SGCZ: variants seen among roughly 807,000 people sequenced by gnomAD.
SGCZ encodes the protein sarcoglycan zeta.
In SGCZ, 40 loss-of-function variants were observed where a neutral mutation model predicts 41.3. The ratio of observed to expected loss-of-function variants is 0.97; its 90% CI spans 0.75 to 1.26. The LOEUF (loss-of-function observed/expected upper bound fraction) is 1.26. Among genes scored for constraint, SGCZ ranks in the 50% most tolerant of loss-of-function variants. The pLI is 0.00. For missense variants in SGCZ, 552 were observed against 369.8 expected, an observed-to-expected ratio of 1.49 and a Z score of -4.04; for synonymous variants, 206 against 137.5, an observed-to-expected ratio of 1.50 and a Z score of -3.49.
At chr8:14,516,443 A>G (rs915497143) in intron 2 of SGCZ, among the ~76,000 whole-genome samples, 1 of 152,080 alleles carries the variant, frequency 6.6e-6, no homozygotes, top group Non-Finnish European at 1.5e-5. Context: ...AGACACATTT[A>G]TCAATTTAAT....
At chr8:14,881,935 A>G (rs1479971390) in intron 1 of SGCZ, among the ~76,000 whole-genome samples, 2 of 152,158 alleles carry the variant, frequency 1.3e-5, no homozygotes, top group African/African-American at 4.8e-5. Context: ...CTCAAAACCA[A>G]AGAACTACAT....
At chr8:14,765,931 C>T (rs1800021463) in intron 1 of SGCZ, among the ~76,000 whole-genome samples, 1 of 151,356 alleles carries the variant, frequency 6.6e-6, no homozygotes, top group Non-Finnish European at 1.5e-5. Flanking sequence ...ACCACATTTA[C>T]CAGTTATTTA....
At chr8:14,790,425 T>C (rs1170635403) in intron 1 of SGCZ, among the ~76,000 whole-genome samples, 4 of 152,144 alleles carry the variant, frequency 2.6e-5, no homozygotes, top group African/African-American at 7.2e-5. Flanking sequence ...TGTATTTCAG[T>C]TGGAATAAAA....
intron 2 of SGCZ, among the ~76,000 whole-genome samples, chr8:14,376,743 C>T (rs146275984): frequency 0.011 from 1,644 of 152,182 alleles, 26 homozygotes; most frequent in African/African-American, 0.036. Flanking sequence ...AATTACCAAA[C>T]AACATTACCT....
At chr8:14,711,811 A>C (rs1164318216) in intron 1 of SGCZ, among the ~76,000 whole-genome samples, 1 of 152,194 alleles carries the variant, frequency 6.6e-6, no homozygotes, top group Non-Finnish European at 1.5e-5. Context: ...GAGATGGACA[A>C]AGAAACTAGA....
intron 1 of SGCZ, among the ~76,000 whole-genome samples, chr8:14,951,122 T>G (rs1486418746): frequency 6.6e-6 from 1 of 151,966 alleles, no homozygotes; most frequent in African/African-American, 2.4e-5. Flanking sequence ...CAGATGGCCT[T>G]AATGTAATCT....
intron 2 of SGCZ, among the ~76,000 whole-genome samples, chr8:14,497,920 C>T (rs1802039702): frequency 6.6e-6 from 1 of 152,146 alleles, no homozygotes; most frequent in Admixed American, 6.6e-5. Context: ...ATGTTTACAA[C>T]CATTTACTTT....
At chr8:14,124,408 G>A (rs35054571) in intron 5 of SGCZ, among the ~76,000 whole-genome samples, 100,663 of 151,932 alleles carry the variant, frequency 0.66, 35,485 homozygotes, top group East Asian at 0.92. Context: ...CCCCAAAGAT[G>A]AAATTAGGAA....
chr8:14,134,698 C>T (rs1015509384), intron 5 of SGCZ, among the ~76,000 whole-genome samples: 4 of 152,128 alleles, frequency 2.6e-5, no homozygotes, highest in African/African-American at 9.7e-5. Flanking sequence ...GGTGTTAGCT[C>T]TCAGCCTATC....
intron 1 of SGCZ, among the ~76,000 whole-genome samples, chr8:14,664,623 C>A (rs1252608264): frequency 1.3e-5 from 2 of 152,152 alleles, no homozygotes; most frequent in African/African-American, 4.8e-5. Context: ...ATGTAACCAA[C>A]TAGTGGGACT....
At chr8:14,313,792 G>T (rs919308809) in intron 3 of SGCZ, among the ~76,000 whole-genome samples, 1 of 152,036 alleles carries the variant, frequency 6.6e-6, no homozygotes, top group Non-Finnish European at 1.5e-5. Flanking sequence ...CACAAATCTG[G>T]TACTTTATAG....
In SGCZ at chr8:14,335,507, T is replaced by C. The variant is rs74343495; in HGVS notation, c.235-11303A>G. 3.2e-4 allele frequency among the ~76,000 whole-genome samples: 49 copies of C among 152,286 alleles called. 1 individual carries two copies. The East Asian group carries it at 8.9e-3, about 28-fold the overall frequency. On this transcript the variant is annotated intron_variant, in intron 2 of 7. Transcript: ENST00000382080. ...TAATATTAGCTTCTTTTTAACATCT[T>C]ATCCGTTATACCTTATTATACTTCC...
intron 5 of SGCZ, among the ~76,000 whole-genome samples, chr8:14,152,642 C>G (rs1264901876): frequency 2.0e-5 from 3 of 152,124 alleles, no homozygotes; most frequent in African/African-American, 7.2e-5. Context: ...ACAAAACTTG[C>G]ATCCACCATA....
intron 1 of SGCZ, among the ~76,000 whole-genome samples, chr8:15,133,258 T>C (rs1229987923): frequency 6.6e-6 from 1 of 152,226 alleles, no homozygotes; most frequent in Non-Finnish European, 1.5e-5. Context: ...TCTTTTGGTA[T>C]GTGTTTTTGA....
intron 4 of SGCZ, among the ~76,000 whole-genome samples, chr8:14,194,758 T>C (rs1456687293): frequency 6.6e-6 from 1 of 151,822 alleles, no homozygotes; most frequent in African/African-American, 2.4e-5. Flanking sequence ...ACAAATTATA[T>C]AAGCCATGTG....
chr8:14,761,533 TTA>T (rs1488315236), intron 1 of SGCZ, among the ~76,000 whole-genome samples: 12 of 139,574 alleles, frequency 8.6e-5, no homozygotes, highest in Admixed American at 6.3e-4. Flanking sequence ...ATTTATTTAT[TTA>T]TTTATTTTTT....
chr8:15,235,348 C>A (rs1802087300), intron 1 of SGCZ, among the ~76,000 whole-genome samples: 1 of 152,230 alleles, frequency 6.6e-6, no homozygotes. Flanking sequence ...CAAACATTTT[C>A]TAATAAGGCT....
intron 2 of SGCZ, among the ~76,000 whole-genome samples, chr8:14,354,378 A>T (rs922522770): frequency 4.0e-5 from 6 of 151,672 alleles, no homozygotes; most frequent in Non-Finnish European, 7.4e-5. Context: ...AGAATTTTTT[A>T]AAAAACTCCT....
intron 1 of SGCZ, among the ~76,000 whole-genome samples, chr8:14,676,843 G>A (rs10098745): frequency 0.97 from 148,366 of 152,294 alleles, 72,286 homozygotes; most frequent in Non-Finnish European, 0.98. Flanking sequence ...TGTAAAAAAC[G>A]TACAGCTAAC....
Sources: allele counts gnomAD v4.1 joint callset (sites outside exome capture counted in the v4.1 genomes callset), GRCh38; gene constraint gnomAD v4.1.1; transcripts MANE v1.5; gene names NCBI Gene and HGNC (gene_info 2026-07-23, HGNC 2026-07-21).